The following FBXL17 variants were observed in gnomAD, a reference collection of about 807,000 sequenced individuals.
The protein encoded by FBXL17 is F-box and leucine rich repeat protein 17.
FBXL17 carries 22 observed loss-of-function variants against 66.2 expected under a neutral mutation model. The ratio of observed to expected loss-of-function variants is 0.33; its 90% CI spans 0.24 to 0.47. The LOEUF (loss-of-function observed/expected upper bound fraction) is 0.47, where lower values mean the gene tolerates loss of function less well. FBXL17 is among the 20% of genes least tolerant of loss of function. FBXL17 has a pLI of 1.00. For synonymous variants in FBXL17, 474 were observed against 400.5 expected (o/e 1.18, Z -2.19); for missense variants, 878 against 948.2 (o/e 0.93, Z 0.97).
chr5:108,127,804 G>T (rs58652615), intron 6 of FBXL17, among the ~76,000 whole-genome samples: 8,714 of 152,192 alleles, frequency 0.057, 449 homozygotes, highest in African/African-American at 0.14. Context: ...CATGAATTAA[G>T]AATTAATTTT....
intron 7 of FBXL17, among the ~76,000 whole-genome samples, chr5:107,922,154 C>A (rs1055648073): frequency 6.6e-6 from 1 of 152,122 alleles, no homozygotes; most frequent in East Asian, 1.9e-4. Flanking sequence ...TCTCTGAAAG[C>A]GGATGGTTTG....
chr5:108,029,159 A>G (rs904740592), intron 6 of FBXL17, among the ~76,000 whole-genome samples: 5 of 152,234 alleles, frequency 3.3e-5, no homozygotes, highest in Admixed American at 1.3e-4. Context: ...TTACATAGAG[A>G]TTATACAAAA....
intron 6 of FBXL17, among the ~76,000 whole-genome samples, chr5:108,022,665 G>T (rs192679391): frequency 2.3e-4 from 35 of 152,132 alleles, no homozygotes; most frequent in Non-Finnish European, 4.4e-4. Context: ...ATTTGATTAT[G>T]CTCTAAACAA....
chr5:107,878,474 C>T (rs1465064991), intron 8 of FBXL17: 11 of 653,182 alleles, frequency 1.7e-5, no homozygotes, highest in Non-Finnish European at 2.1e-5. Flanking sequence ...CCTCATTTTG[C>T]AAACGAGGGA....
chr5:108,171,869 G>A lies in FBXL17; in HGVS notation c.1745+14248C>T, dbSNP rs142380399. ...CATGGGGGCAGGTCTTTCCCATGCT[G>A]TTCTTGCAATGGTGAGTAAGTCTCA... On this transcript the variant is annotated intron_variant, in intron 6 of 8. Coordinates refer to ENST00000542267, the MANE Select transcript of FBXL17 (RefSeq NM_001163315.3). Among the ~76,000 whole-genome samples the A allele has an allele frequency of 6.2e-4, 95 of 152,298 alleles. 1 individual carries two copies. The highest frequency in any genetic ancestry group is 2.3e-3 in the African/African-American group (95 of 41,570).
At chr5:107,925,106 G>C (rs572741339) in intron 7 of FBXL17, among the ~76,000 whole-genome samples, 1 of 152,246 alleles carries the variant, frequency 6.6e-6, no homozygotes, top group African/African-American at 2.4e-5. Flanking sequence ...ATGTAATTAA[G>C]TTCTAATTTG....
At chr5:107,871,069 A>AAAAAAAAAAAACAAAAAAC (rs1456052737) in intron 8 of FBXL17, among the ~76,000 whole-genome samples, 1 of 130,176 alleles carries the variant, frequency 7.7e-6, no homozygotes, top group African/African-American at 3.2e-5. Flanking sequence ...AAAAAAAAAA[A>AAAAAAAAAAAACAAAAAAC]AAAAAAAAAA....
At chr5:107,959,508 C>T (rs941202124) in intron 7 of FBXL17, among the ~76,000 whole-genome samples, 4 of 152,052 alleles carry the variant, frequency 2.6e-5, no homozygotes, top group African/African-American at 9.7e-5. Flanking sequence ...ATCAACCTCA[C>T]GCCCCCTTAT....
At chr5:108,020,222 T>C (rs1754536953) in intron 7 of FBXL17, among the ~76,000 whole-genome samples, 1 of 152,040 alleles carries the variant, frequency 6.6e-6, no homozygotes, top group African/African-American at 2.4e-5. Context: ...TAAAGCCTAA[T>C]ATATTTTCTG....
intron 6 of FBXL17, among the ~76,000 whole-genome samples, chr5:108,044,012 GA>G (rs1295691260): frequency 5.3e-5 from 8 of 152,172 alleles, no homozygotes; most frequent in Non-Finnish European, 1.2e-4. Context: ...CTAGTATACA[GA>G]AATACAATCG....
At chr5:108,102,013 A>G (rs1749620441) in intron 6 of FBXL17, among the ~76,000 whole-genome samples, 1 of 152,174 alleles carries the variant, frequency 6.6e-6, no homozygotes, top group Admixed American at 6.6e-5. Context: ...GACTAGGGCA[A>G]TTGGTGCGGC....
intron 6 of FBXL17, among the ~76,000 whole-genome samples, chr5:108,176,222 T>C (rs1752790475): frequency 6.6e-6 from 1 of 152,192 alleles, no homozygotes; most frequent in South Asian, 2.1e-4. Flanking sequence ...TCATATAAAA[T>C]GTATCTCATT....
chr5:107,959,013 C>G (rs1031756651), intron 7 of FBXL17, among the ~76,000 whole-genome samples: 2 of 152,160 alleles, frequency 1.3e-5, no homozygotes, highest in African/African-American at 2.4e-5. Context: ...GCGTTAGCAT[C>G]AGGAAGTGAC....
chr5:107,978,689 A>G (rs1271890739), intron 7 of FBXL17, among the ~76,000 whole-genome samples: 1 of 152,038 alleles, frequency 6.6e-6, no homozygotes, highest in African/African-American at 2.4e-5. Flanking sequence ...TTCCCAACCA[A>G]TCAACATTCC....
At chr5:108,345,492 T>C (rs1189833947) in intron 4 of FBXL17, among the ~76,000 whole-genome samples, 2 of 151,414 alleles carry the variant, frequency 1.3e-5, no homozygotes, top group Non-Finnish European at 2.9e-5. Context: ...CTAAAGTTTA[T>C]CTTACTTAAA....
chr5:107,865,706 A>T lies in FBXL17; in HGVS notation c.1966-3846T>A, dbSNP rs139075948. On this transcript the variant is annotated intron_variant, in intron 8 of 8. Coordinates refer to ENST00000542267, the MANE Select transcript of FBXL17 (RefSeq NM_001163315.3). Reference sequence around the variant, plus strand: ...GGAAACAAAGCAGTGGGGAAAATGCAAATATTTCATTTTAGAGCTCTGTTG... The same window carrying T: ...GGAAACAAAGCAGTGGGGAAAATGCTAATATTTCATTTTAGAGCTCTGTTG... Among the ~76,000 whole-genome samples the T allele has an allele frequency of 1.7e-3, 261 of 152,338 alleles. 3 individuals carry two copies. The highest frequency in any genetic ancestry group is 5.9e-3 in the African/African-American group (244 of 41,578).
chr5:108,268,896 T>C (rs1317002971), intron 4 of FBXL17, among the ~76,000 whole-genome samples: 1 of 152,016 alleles, frequency 6.6e-6, no homozygotes, highest in Non-Finnish European at 1.5e-5. Flanking sequence ...TTAATACAAG[T>C]TTTATGTGCC....
In FBXL17 at chr5:108,060,363, C is replaced by T. The variant is rs549142378; in HGVS notation, c.1746-39362G>A. Reference sequence around the variant, plus strand: ...TAAAGAGGCAGTGAGATTGTGTCACCATCCCTCTGCTGTTCAGCCAATCTG... The same window carrying T: ...TAAAGAGGCAGTGAGATTGTGTCACTATCCCTCTGCTGTTCAGCCAATCTG... On this transcript the variant is annotated intron_variant, in intron 6 of 8. Coordinates refer to ENST00000542267, the MANE Select transcript of FBXL17 (RefSeq NM_001163315.3). 5.3e-5 allele frequency among the ~76,000 whole-genome samples: 8 copies of T among 152,180 alleles called. No individual in the cohort carries two copies. In the East Asian group the frequency reaches 1.4e-3, roughly 26 times the overall value.
intron 8 of FBXL17, among the ~76,000 whole-genome samples, chr5:107,871,106 A>G (rs189702767): frequency 1.6e-4 from 24 of 151,264 alleles, no homozygotes; most frequent in Admixed American, 1.6e-3. Context: ...CAAAGTATAC[A>G]GTAAGACAGA....
Sources: allele counts gnomAD v4.1 joint callset (sites outside exome capture counted in the v4.1 genomes callset), GRCh38; gene constraint gnomAD v4.1.1; transcripts MANE v1.5; gene names NCBI Gene and HGNC (gene_info 2026-07-23, HGNC 2026-07-21).